Variants in PRXL2C observed in about 807,000 individuals in gnomAD.
The protein encoded by PRXL2C is peroxiredoxin like 2C, also known as peroxiredoxin-like 2C.
In PRXL2C, 38 loss-of-function variants were observed where a neutral mutation model predicts 24.9. The ratio of observed to expected loss-of-function variants is 1.53; its 90% confidence interval spans 1.18 to 2.00. PRXL2C has a LOEUF of 2.00. Ranked by LOEUF, PRXL2C falls within the 30% of genes most tolerant of loss-of-function variation. The pLI is 0.00. For missense variants in PRXL2C, 294 were observed against 290.9 expected (o/e 1.01, Z -0.08); for synonymous variants, 98 against 117.2 (o/e 0.84, Z 1.06).
intron 2 of PRXL2C, among the ~76,000 whole-genome samples, chr9:96,653,742 C>T (rs374907442): frequency 3.8e-4 from 58 of 152,104 alleles, no homozygotes; most frequent in African/African-American, 1.3e-3. Context: ...TAAAAGGATA[C>T]GCAGAGGAAC....
chr9:96,652,285 C>A (rs1400165440), intron 2 of PRXL2C, among the ~76,000 whole-genome samples: 1 of 151,986 alleles, frequency 6.6e-6, no homozygotes, highest in African/African-American at 2.4e-5. Flanking sequence ...AGCACTTTTG[C>A]CAAGTCAGGT....
At chr9:96,654,848 CCGTGCG>C (rs2119196521) in intron 1 of PRXL2C, 75 bp from the exon 2 acceptor site, 1 of 1,428,610 alleles carries the variant, frequency 7.0e-7, no homozygotes, top group East Asian at 2.7e-5. Context: ...CTGTACTTCG[CCGTGCG>C]TGACGCGAGC....
intron 2 of PRXL2C, among the ~76,000 whole-genome samples, chr9:96,654,461 G>C (rs1848318361): frequency 6.6e-6 from 1 of 152,206 alleles, no homozygotes; most frequent in South Asian, 2.1e-4. Flanking sequence ...CAACATTTGA[G>C]AACAGGCACT....
intron 5 of PRXL2C, among the ~76,000 whole-genome samples, chr9:96,645,670 AC>A (rs1564408424): frequency 6.6e-6 from 1 of 151,578 alleles, no homozygotes; most frequent in East Asian, 2.0e-4. Flanking sequence ...CGTGGCGGGC[AC>A]CTGTAGTCCC....
At position 96,646,015 on chromosome 9, in the gene PRXL2C, G is replaced by A; in HGVS notation, c.431C>T (p.Pro144Leu). 6.2e-7 allele frequency: 1 copy of A among 1,610,328 alleles called. No homozygotes were observed. The highest frequency in any genetic ancestry group is 8.5e-7 in the Non-Finnish European group (1 of 1,178,698). Residue 144 changes from proline to leucine, a missense_variant, in exon 5 of 6, where the codon CCC (proline) becomes CTC (leucine). Coordinates refer to ENST00000375234, the MANE Select transcript of PRXL2C (RefSeq NM_153698.2). Reference protein sequence around the residue: ...GEEIASSGQSPHIKSNLLSGS... With the variant: ...GEEIASSGQSLHIKSNLLSGS... ...TGAGAGTAGATTTGATTTTATGTGG[G>A]GGCTCTGTCCTGAAATGTCGAAAAT...
intron 5 of PRXL2C, among the ~76,000 whole-genome samples, chr9:96,642,928 C>G (rs533789097): frequency 6.6e-6 from 1 of 151,910 alleles, no homozygotes; most frequent in Admixed American, 6.6e-5. Context: ...TGAAAATATT[C>G]AGAAAAAAAG....
intron 5 of PRXL2C, among the ~76,000 whole-genome samples, chr9:96,643,340 AGGTTCAAGC>A (rs1399155422): frequency 6.6e-6 from 1 of 152,050 alleles, no homozygotes; most frequent in Non-Finnish European, 1.5e-5. Context: ...TCCACTTCCC[AGGTTCAAGC>A]GATTATCCTG....
At chr9:96,642,501 A>T (rs899735934) in intron 5 of PRXL2C, among the ~76,000 whole-genome samples, 1 of 151,534 alleles carries the variant, frequency 6.6e-6, no homozygotes, top group African/African-American at 2.4e-5. Flanking sequence ...TCAAGACCAG[A>T]ATTTTAACTT....
chr9:96,652,800 C>G (rs771164597), intron 2 of PRXL2C, among the ~76,000 whole-genome samples: 17 of 152,170 alleles, frequency 1.1e-4, no homozygotes, highest in Non-Finnish European at 2.1e-4. Context: ...AATCCCACTA[C>G]TGGGCATTTA....
chr9:96,655,270 C>T lies in PRXL2C; in HGVS notation c.12G>A (p.Pro4=). MAA[P]APVTRQVSGA... is the part of the protein sequence containing the mutation. ...CGCTAACCTGCCGCGTGACCGGGGC[C>T]GGCGCGGCCATGACGCGGGGCGGCC... Residue 4 remains proline (P), a synonymous_variant, in exon 1 of 6, where the codon CCG becomes CCA. Transcript: ENST00000375234. 9.3e-7 allele frequency: 1 copy of T among 1,076,360 alleles called. No individual in the cohort carries two copies. The highest frequency in any genetic ancestry group is 1.1e-6 in the Non-Finnish European group (1 of 890,140). The allele number at this position is 1,076,360 out of a possible 1,614,324, so 66.7% of individuals were successfully genotyped here.
In PRXL2C at chr9:96,654,776, GA is replaced by G; in HGVS notation, c.193-4del. 1 of 1,559,776 alleles carries G rather than the reference GA, an allele frequency of 6.4e-7. No homozygotes were observed. ...TTGCAGATGTAACACAGGAAATGCT[GA>G]AAGCCAAAACGGCAGAAAGGGCAAG... On this transcript the variant is annotated splice_region_variant and splice_polypyrimidine_tract_variant and intron_variant, in intron 1 of 5. Transcript: ENST00000375234.
intron 1 of PRXL2C, 24 bp from the exon 2 acceptor site, chr9:96,654,797 G>A (rs902018580): frequency 1.9e-6 from 3 of 1,551,616 alleles, no homozygotes; most frequent in Non-Finnish European, 2.6e-6. Flanking sequence ...CGGCAGAAAG[G>A]GCAAGTTAGT....
chr9:96,650,385 A>C (rs1199702938), intron 4 of PRXL2C, among the ~76,000 whole-genome samples: 2 of 152,234 alleles, frequency 1.3e-5, no homozygotes, highest in African/African-American at 2.4e-5. Flanking sequence ...GTACAACTCA[A>C]GTTTTCTAAG....
chr9:96,645,073 ATT>A (rs1266760842), intron 5 of PRXL2C, among the ~76,000 whole-genome samples: 1 of 148,346 alleles, frequency 6.7e-6, no homozygotes, highest in African/African-American at 2.5e-5. Context: ...CGTCCGGCTA[ATT>A]TTTTTTTGTA....
At chr9:96,645,214 C>A (rs1292224282) in intron 5 of PRXL2C, among the ~76,000 whole-genome samples, 1 of 151,202 alleles carries the variant, frequency 6.6e-6, no homozygotes, top group East Asian at 2.0e-4. Context: ...CGGCTGGATT[C>A]TTTTCTTGAA....
At chr9:96,644,930 ACT>A (rs1396215482) in intron 5 of PRXL2C, among the ~76,000 whole-genome samples, 1 of 90,906 alleles carries the variant, frequency 1.1e-5, no homozygotes, top group African/African-American at 4.3e-5. Flanking sequence ...GCAGAGTCTC[ACT>A]CTCTCACCCA....
Position 96,640,143 on chromosome 9 carries a change from A to G in PRXL2C, c.*1616T>C, listed in dbSNP as rs1375020017. On this transcript the variant is annotated 3_prime_UTR_variant, in exon 6 of 6. Transcript: ENST00000375234. ...AAATGAAAGATAACAAGTCTCCCAAATAAGAGCAGTTTGAGGGTGAGAAAT... is the reference window on the plus strand; with the variant it reads ...AAATGAAAGATAACAAGTCTCCCAAGTAAGAGCAGTTTGAGGGTGAGAAAT... 1.3e-5 allele frequency: 2 copies of G among 152,156 alleles called. No homozygotes were observed. The highest frequency in any genetic ancestry group is 4.8e-5 in the African/African-American group (2 of 41,432). The allele number at this position is 152,156 out of a possible 1,614,324, so 9.4% of individuals were successfully genotyped here. A position where few individuals can be genotyped will look rare whatever the true frequency, so the allele number is the denominator to read the frequency against.
chr9:96,653,010 G>A (rs1308947820), intron 2 of PRXL2C, among the ~76,000 whole-genome samples: 3 of 152,094 alleles, frequency 2.0e-5, no homozygotes, highest in Admixed American at 6.6e-5. Flanking sequence ...GGCAGATCAC[G>A]AGGTCAGGAG....
In PRXL2C at chr9:96,655,237, G is replaced by C. The variant is rs1046433921; in HGVS notation, c.45C>G (p.Ala15=). ...APVTRQVSGA[A]ALVPAPSGPD... is the part of the protein sequence containing the mutation. ...GGCCGCTCGGGGCCGGGACCAGGGCGGCGGCGCCGCTAACCTGCCGCGTGA... is the reference window on the plus strand; with the variant it reads ...GGCCGCTCGGGGCCGGGACCAGGGCCGCGGCGCCGCTAACCTGCCGCGTGA... Residue 15 remains alanine, a synonymous_variant, in exon 1 of 6, where the codon GCC becomes GCG. Coordinates refer to ENST00000375234, the MANE Select transcript of PRXL2C (RefSeq NM_153698.2). 26 of 1,132,188 alleles carry C rather than the reference G, an allele frequency of 2.3e-5. No homozygotes were observed. In the African/African-American group the frequency reaches 3.3e-4, roughly 14 times the overall value. The allele number at this position is 1,132,188 out of a possible 1,614,324, so 70.1% of individuals were successfully genotyped here.
Sources: allele counts gnomAD v4.1 joint callset (sites outside exome capture counted in the v4.1 genomes callset), GRCh38; gene constraint gnomAD v4.1.1; transcripts MANE v1.5; gene names NCBI Gene and HGNC (gene_info 2026-07-23, HGNC 2026-07-21).